MFSD2A: variants seen among roughly 807,000 people sequenced by gnomAD.
MFSD2A encodes MFSD2 lysolipid transporter A, lysophospholipid.
A neutral mutation model predicts 64.7 loss-of-function variants in MFSD2A; 27 were observed. That is an observed-to-expected ratio of 0.42 (90% confidence interval 0.31 to 0.58). The LOEUF is 0.58. MFSD2A is among the 20% of genes least tolerant of loss of function. MFSD2A has a pLI of 0.18. For missense variants in MFSD2A, 474 were observed against 679.5 expected (o/e 0.70, Z 3.36); for synonymous variants, 258 against 273.4 (o/e 0.94, Z 0.55).
chr1:39,958,642 G>T lies in MFSD2A; in HGVS notation c.229-59G>T. The T allele has an allele frequency of 6.2e-7, 1 of 1,614,086 alleles. No homozygotes were observed. Among genetic ancestry groups the T allele is most frequent in the Non-Finnish European group, 8.5e-7 (1 of 1,179,978 alleles). ...AGGGAGCCTCTGCTTCTGCCTACCA[G>T]TGAGAGTTGAGGCGAGTAGAAGGAT... is the stretch of plus-strand genomic sequence containing the variant. On this transcript the variant is annotated intron_variant, in intron 2 of 13. Transcript: ENST00000372811. This position sits in a 1 kb window ranked among gnomAD's most constrained non-coding sequence, Gnocchi z 4.7.
chr1:39,967,382 A>C (rs1458002283), intron 9 of MFSD2A: 1 of 627,578 alleles, frequency 1.6e-6, no homozygotes, highest in African/African-American at 1.8e-5. Flanking sequence ...GCACAGCAAA[A>C]GCAAGGGCGA....
chr1:39,968,583 A>G lies in MFSD2A; in HGVS notation c.1367A>G (p.Gln456Arg). 1 of 1,614,176 alleles carries G rather than the reference A, an allele frequency of 6.2e-7. No homozygotes were observed. The highest frequency in any genetic ancestry group is 1.1e-5 in the South Asian group (1 of 91,084). ...STLSLDFAGY[Q>R]TRGCSQPERV... ...GGGTCCCATAGCTTTGCAGGGTACC[A>G]GACCCGTGGCTGCTCGCAGCCGGAA... Residue 456 changes from glutamine to arginine, a missense_variant, in exon 13 of 14, where the codon CAG becomes CGG. Transcript: ENST00000372811. The surrounding 1 kb of genome is among the most constrained non-coding windows in gnomAD (Gnocchi z 4.4).
At position 39,958,004 on chromosome 1, in the gene MFSD2A, G is replaced by A. The variant is rs1302924993; in HGVS notation, c.229-697G>A. ...GCCTTGGGTGGGGTGTAAATATGAGGAACCTGCAGTCAAAGTGTAAACCTG... is the reference window on the plus strand; with the variant it reads ...GCCTTGGGTGGGGTGTAAATATGAGAAACCTGCAGTCAAAGTGTAAACCTG... On this transcript the variant is annotated intron_variant, in intron 2 of 13. Coordinates refer to ENST00000372811, the MANE Select transcript of MFSD2A (RefSeq NM_032793.5). The surrounding 1 kb of genome is among the most constrained non-coding windows in gnomAD (Gnocchi z 4.7). 1 of 152,448 alleles carries A rather than the reference G, an allele frequency of 6.6e-6. No individual in the cohort carries two copies. The highest frequency in any genetic ancestry group is 1.5e-5 in the Non-Finnish European group (1 of 68,268). 9.4% of individuals were successfully genotyped at this position (152,448 alleles called of 1,614,324 possible).
Position 39,968,835 on chromosome 1 carries a change from A to AC in MFSD2A, c.1529+96dup. 2.2e-6 allele frequency: 3 copies of AC among 1,378,926 alleles called. No homozygotes were observed. The highest frequency in any genetic ancestry group is 2.0e-5 in the Admixed American group (1 of 51,244). 85.4% of individuals were successfully genotyped at this position (1,378,926 alleles called of 1,614,324 possible). ...GTCTCCTGTGGCCAAGTCCAGACTC[A>AC]CCCCCCACACATCTTCTCTGGACAG... On this transcript the variant is annotated intron_variant, in intron 13 of 13. Coordinates refer to ENST00000372811, the MANE Select transcript of MFSD2A (RefSeq NM_032793.5). This position sits in a 1 kb window ranked among gnomAD's most constrained non-coding sequence, Gnocchi z 4.4.
intron 3 of MFSD2A, among the ~76,000 whole-genome samples, chr1:39,961,888 G>T (rs1478641061): frequency 1.3e-5 from 2 of 152,202 alleles, no homozygotes; most frequent in Non-Finnish European, 2.9e-5. Context: ...GTCAAGCAGG[G>T]TCCCATGGGG....
intron 13 of MFSD2A, 79 bp from the exon 14 acceptor site, chr1:39,969,426 C>T (rs1255357507): frequency 1.5e-5 from 19 of 1,280,226 alleles, no homozygotes; most frequent in South Asian, 1.2e-4. Context: ...GCCAAGATCA[C>T]GTGAGGAAGG....
At position 39,968,596 on chromosome 1, in the gene MFSD2A, C is replaced by T. The variant is rs1645213699; in HGVS notation, c.1380C>T (p.Cys460=). 6.2e-7 allele frequency: 1 copy of T among 1,614,108 alleles called. No homozygotes were observed. The highest frequency in any genetic ancestry group is 2.2e-5 in the East Asian group (1 of 44,870). The change falls in exon 13 of 14, where the codon TGC becomes TGT. Residue 460 remains cysteine, a synonymous_variant. Transcript: ENST00000372811. The surrounding 1 kb of genome is among the most constrained non-coding windows in gnomAD (Gnocchi z 4.4). ...LDFAGYQTRG[C]SQPERVKFTL... ...TTGCAGGGTACCAGACCCGTGGCTGCTCGCAGCCGGAACGTGTCAAGTTTA... is the reference window on the plus strand; with the variant it reads ...TTGCAGGGTACCAGACCCGTGGCTGTTCGCAGCCGGAACGTGTCAAGTTTA...
chr1:39,955,242 GGCAGAGGA>G lies in MFSD2A; in HGVS notation c.-47_-40del. On this transcript the variant is annotated 5_prime_UTR_variant, in exon 1 of 14. Coordinates refer to ENST00000372811, the MANE Select transcript of MFSD2A (RefSeq NM_032793.5). The surrounding 1 kb of genome is among the most constrained non-coding windows in gnomAD (Gnocchi z 5.9). ...GCTTGGGAGGAGCAGCGGCCTGCGG[GGCAGAGGA>G]GCATCCCGTCTACCAGGTCCCAAGC... 7.4e-7 allele frequency: 1 copy of G among 1,345,518 alleles called. No individual in the cohort carries two copies. The highest frequency in any genetic ancestry group is 3.5e-5 in the Admixed American group (1 of 28,514). 83.3% of individuals were successfully genotyped at this position (1,345,518 alleles called of 1,614,324 possible). A position where few individuals can be genotyped will look rare whatever the true frequency, so the allele number is the denominator to read the frequency against.
intron 6 of MFSD2A, 36 bp from the exon 7 acceptor site, chr1:39,966,565 T>G: frequency 6.4e-7 from 1 of 1,570,904 alleles, no homozygotes; most frequent in Non-Finnish European, 8.7e-7. Flanking sequence ...GAGCTCAAAC[T>G]GACCATCCTT....
chr1:39,956,062 T>C (rs934899923), intron 1 of MFSD2A, among the ~76,000 whole-genome samples: 1 of 152,182 alleles, frequency 6.6e-6, no homozygotes. Flanking sequence ...AACTGATCTT[T>C]GGAAGGAGCT....
Position 39,969,704 on chromosome 1 carries a change from T to C in MFSD2A, c.*136T>C, listed in dbSNP as rs908678241. On this transcript the variant is annotated 3_prime_UTR_variant, in exon 14 of 14. Transcript: ENST00000372811. Reference sequence around the variant, plus strand: ...ACTCAAGGAGGTGGCCCAGGACACTTGCTGTGCTCACTGTGGGGCCGGCTG... The same window carrying C: ...ACTCAAGGAGGTGGCCCAGGACACTCGCTGTGCTCACTGTGGGGCCGGCTG... 3.8e-5 allele frequency: 32 copies of C among 831,190 alleles called. No individual in the cohort carries two copies. The highest frequency in any genetic ancestry group is 5.3e-5 in the Non-Finnish European group (28 of 531,324). The allele number at this position is 831,190 out of a possible 1,614,324, so 51.5% of individuals were successfully genotyped here.
At chr1:39,956,978 C>A in intron 1 of MFSD2A, 109 bp from the exon 2 acceptor site, 3 of 869,310 alleles carry the variant, frequency 3.5e-6, no homozygotes, top group Non-Finnish European at 3.5e-6. Flanking sequence ...CAGGTCAAAG[C>A]AGAGTTGTTT....
In MFSD2A at chr1:39,968,563, C is replaced by T. The variant is rs1363481327; in HGVS notation, c.1353-6C>T. 1 of 1,613,978 alleles carries T rather than the reference C, an allele frequency of 6.2e-7. No individual in the cohort carries two copies. The highest frequency in any genetic ancestry group is 1.7e-5 in the Admixed American group (1 of 59,998). On this transcript the variant is annotated splice_region_variant and splice_polypyrimidine_tract_variant and intron_variant, in intron 12 of 13. Coordinates refer to ENST00000372811, the MANE Select transcript of MFSD2A (RefSeq NM_032793.5). This position sits in a 1 kb window ranked among gnomAD's most constrained non-coding sequence, Gnocchi z 4.4. ...TCACCGTTCTCCTACCCCCTGGGTC[C>T]CATAGCTTTGCAGGGTACCAGACCC...
Position 39,966,024 on chromosome 1 carries a change from T to TGGGCA in MFSD2A, c.714+19_714+23dup, listed in dbSNP as rs1370605365. On this transcript the variant is annotated intron_variant, in intron 6 of 13. Transcript: ENST00000372811. The stretch of plus-strand genomic sequence containing the variant: ...CTCACACAGGGAAACGGTGAGGCCC[T>TGGGCA]GGGCAGGGCAGGGATTTGGGGAGAT... 6.2e-7 allele frequency: 1 copy of TGGGCA among 1,613,994 alleles called. No homozygotes were observed. Among genetic ancestry groups the TGGGCA allele is most frequent in the Non-Finnish European group, 8.5e-7 (1 of 1,179,898 alleles).
In MFSD2A at chr1:39,965,169, G is replaced by GCTCTAGC. The variant is rs1553155456; in HGVS notation, c.354-39_354-38insTAGCCTC. The stretch of plus-strand genomic sequence containing the variant: ...CAGACTGGGCTGGGCCTGGTCCTGG[G>GCTCTAGC]CTCCAGCCTCCAGCCTCCACTCACA... On this transcript the variant is annotated intron_variant, in intron 3 of 13. Transcript: ENST00000372811. This position sits in a 1 kb window ranked among gnomAD's most constrained non-coding sequence, Gnocchi z 5.5. The GCTCTAGC allele has an allele frequency of 6.2e-7, 1 of 1,611,870 alleles. No homozygotes were observed. Among genetic ancestry groups the GCTCTAGC allele is most frequent in the Admixed American group, 1.7e-5 (1 of 59,972 alleles).
At position 39,958,969 on chromosome 1, in the gene MFSD2A, G is replaced by A. The variant is rs1254319116; in HGVS notation, c.353+144G>A. ...GCCCAAGGGTGTTGAAACCCCATCCGAGGCATCAGCTACCCTGAGCACGGG... is the reference window on the plus strand; with the variant it reads ...GCCCAAGGGTGTTGAAACCCCATCCAAGGCATCAGCTACCCTGAGCACGGG... On this transcript the variant is annotated intron_variant, in intron 3 of 13. Coordinates refer to ENST00000372811, the MANE Select transcript of MFSD2A (RefSeq NM_032793.5). This position sits in a 1 kb window ranked among gnomAD's most constrained non-coding sequence, Gnocchi z 4.7. The A allele has an allele frequency of 1.9e-5, 19 of 977,612 alleles. No homozygotes were observed. The highest frequency in any genetic ancestry group is 7.6e-5 in the Admixed American group (3 of 39,634). The allele number at this position is 977,612 out of a possible 1,614,324, so 60.6% of individuals were successfully genotyped here. A position where few individuals can be genotyped will look rare whatever the true frequency, so the allele number is the denominator to read the frequency against.
rs761489129 is a variant in MFSD2A, at chr1:39,969,555, C to A, written c.1580C>A (p.Ala527Asp). 1 of 1,607,978 alleles carries A rather than the reference C, an allele frequency of 6.2e-7. No individual in the cohort carries two copies. The highest frequency in any genetic ancestry group is 1.7e-5 in the Admixed American group (1 of 59,114). ...GCSETDSTEL[A>D]SIL is the part of the protein sequence containing the mutation. ...TCAGAAACAGACTCCACAGAGCTGG[C>A]TAGCATCCTCTAGGGCCCGCCACGT... The change falls in exon 14 of 14, where the codon GCT becomes GAT. Residue 527 changes from alanine (A) to aspartate (D), a missense_variant. Transcript: ENST00000372811.
intron 9 of MFSD2A, 80 bp downstream of exon 9, chr1:39,967,249 G>A: frequency 1.5e-6 from 2 of 1,322,836 alleles, no homozygotes; most frequent in African/African-American, 1.4e-5. Flanking sequence ...ATAGGCAGAG[G>A]ATGTTTCTCA....
In MFSD2A at chr1:39,967,880, C is replaced by A; in HGVS notation, c.1172C>A (p.Ala391Asp). ...ATTACATATGCGGTAGCTGTGGCAG[C>A]TGGCATCAGTGTGGCAGCTGCCTTC... ...LIITYAVAVA[A>D]GISVAAAFLL... The change falls in exon 11 of 14, where the codon GCT (alanine) becomes GAT (aspartate). Residue 391 changes from alanine (A) to aspartate (D), a missense_variant. Transcript: ENST00000372811. The A allele has an allele frequency of 6.2e-7, 1 of 1,613,808 alleles. No homozygotes were observed. The highest frequency in any genetic ancestry group is 8.5e-7 in the Non-Finnish European group (1 of 1,179,830).
Sources: allele counts gnomAD v4.1 joint callset (sites outside exome capture counted in the v4.1 genomes callset), GRCh38; gene constraint gnomAD v4.1.1; non-coding constraint Gnocchi (gnomAD v3.1); transcripts MANE v1.5; gene names NCBI Gene and HGNC (gene_info 2026-07-23, HGNC 2026-07-21).